Variants in NXPE2 observed in about 807,000 individuals in gnomAD.
NXPE2 encodes the protein NXPE family member 2.
NXPE2 carries 34 observed loss-of-function variants against 34.4 expected under a neutral mutation model. That is an observed-to-expected ratio of 0.99 (90% CI 0.75 to 1.31). The LOEUF (loss-of-function observed/expected upper bound fraction) is 1.31. NXPE2 is among the 40% of genes most tolerant of loss of function. NXPE2 has a pLI of 0.00. For synonymous variants in NXPE2, 235 were observed against 231.3 expected (o/e 1.02, Z -0.15); for missense variants, 649 against 672.5 (o/e 0.97, Z 0.39).
At chr11:114,767,867 G>A in the NXPE2 span, among the ~76,000 whole-genome samples, 1 of 152,186 alleles carries the variant, frequency 6.6e-6, no homozygotes, top group African/African-American at 2.4e-5. Flanking sequence ...AGTGGTTACA[G>A]CTTAGACAGA....
At chr11:114,678,637 G>T in intron 1 of NXPE2, 36 bp downstream of exon 1, 3 of 1,512,272 alleles carry the variant, frequency 2.0e-6, no homozygotes, top group Non-Finnish European at 2.7e-6. Context: ...CCAAGCTAAC[G>T]TCAGGGAAGG....
chr11:114,668,808 C>G, the NXPE2 span, among the ~76,000 whole-genome samples: 1 of 152,076 alleles, frequency 6.6e-6, no homozygotes, highest in Non-Finnish European at 1.5e-5. Context: ...AGAAACTTGG[C>G]AAATCCTCTC....
the NXPE2 span, among the ~76,000 whole-genome samples, chr11:114,627,365 C>G: frequency 1.3e-5 from 2 of 151,984 alleles, no homozygotes; most frequent in South Asian, 4.1e-4. Flanking sequence ...GACCAATATT[C>G]AACATTCTTA....
chr11:114,745,987 A>C, the NXPE2 span, among the ~76,000 whole-genome samples: 2 of 152,086 alleles, frequency 1.3e-5, no homozygotes, highest in African/African-American at 4.8e-5. Flanking sequence ...ATATATTATG[A>C]TAACATAATA....
chr11:114,699,630 T>G (rs1951327088), intron 3 of NXPE2, among the ~76,000 whole-genome samples: 1 of 152,160 alleles, frequency 6.6e-6, no homozygotes. Context: ...TAGGAAACTT[T>G]CCATCTCCCT....
chr11:114,753,436 A>G, the NXPE2 span, among the ~76,000 whole-genome samples: 1 of 152,238 alleles, frequency 6.6e-6, no homozygotes, highest in Admixed American at 6.5e-5. Context: ...AACAATCAGC[A>G]TAGTAAAATA....
At chr11:114,739,894 C>T in the NXPE2 span, among the ~76,000 whole-genome samples, 169 of 152,234 alleles carry the variant, frequency 1.1e-3, 6 homozygotes, top group South Asian at 4.1e-4. Context: ...GATTCATTCA[C>T]GTTGTCAAAA....
At chr11:114,602,557 T>C in the NXPE2 span, among the ~76,000 whole-genome samples, 1 of 139,328 alleles carries the variant, frequency 7.2e-6, no homozygotes, top group Non-Finnish European at 1.5e-5. Context: ...AATTATAGAT[T>C]ATATCATTTA....
the NXPE2 span, among the ~76,000 whole-genome samples, chr11:114,720,294 T>G: frequency 6.6e-6 from 1 of 152,236 alleles, no homozygotes; most frequent in African/African-American, 2.4e-5. Context: ...GAGGGGCGAC[T>G]CAGCTAGGGG....
chr11:114,483,036 A>T, the NXPE2 span, among the ~76,000 whole-genome samples: 141 of 152,308 alleles, frequency 9.3e-4, 1 homozygote, highest in African/African-American at 3.2e-3. Flanking sequence ...AAACCTTGCC[A>T]AACTTACTTT....
chr11:114,533,793 C>A, the NXPE2 span, among the ~76,000 whole-genome samples: 1 of 152,240 alleles, frequency 6.6e-6, no homozygotes, highest in African/African-American at 2.4e-5. Context: ...CCGGGAAGCT[C>A]AAACTGGGTG....
chr11:114,527,748 G>A, the NXPE2 span: 9 of 765,974 alleles, frequency 1.2e-5, no homozygotes, highest in East Asian at 2.4e-4. Context: ...CATCTGCTAG[G>A]AATTGTGCTC....
At chr11:114,641,661 A>G in the NXPE2 span, among the ~76,000 whole-genome samples, 1 of 152,100 alleles carries the variant, frequency 6.6e-6, no homozygotes, top group African/African-American at 2.4e-5. Flanking sequence ...AATGGAAAAG[A>G]TACTAATAGG....
chr11:114,576,676 C>CA, the NXPE2 span, among the ~76,000 whole-genome samples: 5 of 150,892 alleles, frequency 3.3e-5, no homozygotes, highest in African/African-American at 7.3e-5. Flanking sequence ...AGGCCATATT[C>CA]AAAAAAAATC....
the NXPE2 span, among the ~76,000 whole-genome samples, chr11:114,609,228 G>A: frequency 2.6e-4 from 40 of 151,638 alleles, no homozygotes; most frequent in Admixed American, 1.4e-3. Context: ...GTTTTGCTTC[G>A]TGGGTAACCA....
At chr11:114,702,019 CT>C (rs1951374640) in intron 3 of NXPE2, among the ~76,000 whole-genome samples, 2 of 152,122 alleles carry the variant, frequency 1.3e-5, no homozygotes, top group Non-Finnish European at 2.9e-5. Flanking sequence ...CACCTGGGTT[CT>C]CTCCCTCAAC....
At chr11:114,726,183 G>T in the NXPE2 span, among the ~76,000 whole-genome samples, 20 of 151,588 alleles carry the variant, frequency 1.3e-4, no homozygotes, top group African/African-American at 4.8e-4. Context: ...CAAAGATATT[G>T]TTCTTCTGTT....
the NXPE2 span, among the ~76,000 whole-genome samples, chr11:114,784,677 GA>G: frequency 4.7e-4 from 72 of 151,970 alleles, no homozygotes; most frequent in African/African-American, 1.5e-3. Context: ...GCTAAGGGGG[GA>G]AAAAAAGCTC....
the NXPE2 span, among the ~76,000 whole-genome samples, chr11:114,512,093 G>A: frequency 2.0e-4 from 30 of 152,236 alleles, no homozygotes; most frequent in African/African-American, 7.0e-4. Context: ...AGAAAGTGCC[G>A]GGATTTTTTT....
Sources: gnomAD v4.1 joint callset for allele counts (sites outside exome capture counted in the v4.1 genomes callset) on GRCh38, gnomAD v4.1.1 for gene constraint, MANE v1.5 for transcripts, NCBI Gene and HGNC (gene_info 2026-07-23, HGNC 2026-07-21) for gene names.